The following NIPSNAP2 variants were observed in gnomAD, a reference collection of about 807,000 sequenced individuals.
The protein encoded by NIPSNAP2 is nipsnap homolog 2.
In NIPSNAP2, 42 loss-of-function variants were observed where a neutral mutation model predicts 48.4. The observed-to-expected ratio is 0.87, with a 90% CI of 0.68 to 1.12. NIPSNAP2 has a LOEUF of 1.12. NIPSNAP2 is among the 50% of genes most tolerant of loss of function. The pLI, the probability that NIPSNAP2 is intolerant of heterozygous loss-of-function variation, is 0.00. For synonymous variants in NIPSNAP2, 158 were observed against 126.6 expected (o/e 1.25, Z -1.67); for missense variants, 314 against 347.3 (o/e 0.90, Z 0.76).
Position 55,978,600 on chromosome 7 carries a change from G to A in NIPSNAP2, c.278+205G>A, listed in dbSNP as rs1001211755. ...ACTCACACAGCTAAATCATCATATA[G>A]GCTATCAGACTTTAGAATGTTACCA... is the stretch of plus-strand genomic sequence containing the variant. On this transcript the variant is annotated intron_variant, in intron 3 of 9. Coordinates refer to ENST00000322090, the MANE Select transcript of NIPSNAP2 (RefSeq NM_001483.3). 12 of 561,928 alleles carry A rather than the reference G, an allele frequency of 2.1e-5. No homozygotes were observed. In the East Asian group the frequency reaches 2.4e-4, roughly 11 times the overall value. The allele number at this position is 561,928 out of a possible 1,614,324, so 34.8% of individuals were successfully genotyped here. A position where few individuals can be genotyped will look rare whatever the true frequency, so the allele number is the denominator to read the frequency against.
At chr7:55,971,890 G>A (rs1787021296) in intron 1 of NIPSNAP2, among the ~76,000 whole-genome samples, 1 of 152,000 alleles carries the variant, frequency 6.6e-6, no homozygotes, top group Admixed American at 6.6e-5. Flanking sequence ...AGTATTTTTA[G>A]ACACTTTTTA....
At chr7:55,967,987 C>T (rs1247599186) in intron 1 of NIPSNAP2, among the ~76,000 whole-genome samples, 1 of 151,860 alleles carries the variant, frequency 6.6e-6, no homozygotes, top group Non-Finnish European at 1.5e-5. Flanking sequence ...GGGGGTCTTG[C>T]TATGTTCCCC....
At chr7:55,968,613 C>T (rs1477202102) in intron 1 of NIPSNAP2, among the ~76,000 whole-genome samples, 1 of 152,164 alleles carries the variant, frequency 6.6e-6, no homozygotes, top group Non-Finnish European at 1.5e-5. Context: ...TCTCGATCTC[C>T]TGACCTCGTG....
chr7:55,998,936 C>G, intron 9 of NIPSNAP2, 72 bp from the exon 10 acceptor site: 2 of 1,223,574 alleles, frequency 1.6e-6, no homozygotes, highest in Non-Finnish European at 2.4e-6. Flanking sequence ...TCTCGGCAAT[C>G]TGTCTGTTAG....
At chr7:55,972,860 T>C (rs1787041620) in intron 1 of NIPSNAP2, among the ~76,000 whole-genome samples, 1 of 152,140 alleles carries the variant, frequency 6.6e-6, no homozygotes, top group Non-Finnish European at 1.5e-5. Flanking sequence ...CCCAGGACTT[T>C]GGGAAGCTGA....
Position 55,964,596 on chromosome 7 carries a change from A to G in NIPSNAP2, c.-14A>G. ...GGCGGCGCCCGGGCGGTGGGAGCCG[A>G]GGCGCCGAGCAAGATGGCGGCGCGA... On this transcript the variant is annotated 5_prime_UTR_variant, in exon 1 of 10. Coordinates refer to ENST00000322090, the MANE Select transcript of NIPSNAP2 (RefSeq NM_001483.3). The G allele has an allele frequency of 2.0e-6, 2 of 1,005,708 alleles. No homozygotes were observed. Among genetic ancestry groups the G allele is most frequent in the Non-Finnish European group, 2.4e-6 (2 of 843,422 alleles). 62.3% of individuals were successfully genotyped at this position (1,005,708 alleles called of 1,614,324 possible).
intron 5 of NIPSNAP2, 106 bp from the exon 6 acceptor site, chr7:55,983,622 C>A: frequency 8.9e-7 from 1 of 1,126,726 alleles, no homozygotes; most frequent in Admixed American, 2.2e-5. Context: ...CAACTGGGAC[C>A]TGTTGATTAC....
At chr7:55,992,403 TC>T (rs1022914387) in intron 7 of NIPSNAP2, among the ~76,000 whole-genome samples, 1 of 152,068 alleles carries the variant, frequency 6.6e-6, no homozygotes, top group Admixed American at 6.6e-5. Flanking sequence ...GGCAGGAGGC[TC>T]CCTCGAGCCC....
chr7:55,990,661 G>A (rs73138774), intron 7 of NIPSNAP2, among the ~76,000 whole-genome samples: 26,458 of 152,142 alleles, frequency 0.17, 2,903 homozygotes, highest in East Asian at 0.35. Context: ...ACCCACAAAG[G>A]GGGAGGCCAC....
At chr7:55,984,064 A>G (rs925222671) in intron 6 of NIPSNAP2, among the ~76,000 whole-genome samples, 196 bp downstream of exon 6, 3 of 152,264 alleles carry the variant, frequency 2.0e-5, no homozygotes, top group South Asian at 4.1e-4. Flanking sequence ...GGCCTTACAC[A>G]TAATGCTTAT....
At position 55,964,712 on chromosome 7, in the gene NIPSNAP2, C is replaced by T; in HGVS notation, c.92+11C>T. The stretch of plus-strand genomic sequence containing the variant: ...CCTGCCCAGGCTCCGGTGAGCAGCG[C>T]CGCCCTTCCCGGGAGGTGCCGGGGA... On this transcript the variant is annotated intron_variant, in intron 1 of 9. Coordinates refer to ENST00000322090, the MANE Select transcript of NIPSNAP2 (RefSeq NM_001483.3). The T allele has an allele frequency of 8.9e-7, 1 of 1,118,184 alleles. No homozygotes were observed. The highest frequency in any genetic ancestry group is 1.1e-6 in the Non-Finnish European group (1 of 914,144). 69.3% of individuals were successfully genotyped at this position (1,118,184 alleles called of 1,614,324 possible). A position where few individuals can be genotyped will look rare whatever the true frequency, so the allele number is the denominator to read the frequency against.
intron 7 of NIPSNAP2, among the ~76,000 whole-genome samples, chr7:55,990,442 A>G (rs1244847774): frequency 6.6e-6 from 1 of 152,148 alleles, no homozygotes. Context: ...TGTGTTAGCC[A>G]GGATGGCCTC....
rs1199646474 is a variant in NIPSNAP2 at position 55,978,240 on chromosome 7, A to G, written c.207A>G (p.Glu69=). ...ACTCCAATCTCCTAGCCAAAAAGGA[A>G]ACAAGCAATCTATACAAATTACAGT... ...DAHSNLLAKK[E]TSNLYKLQFH... Residue 69 remains glutamate (E), a synonymous_variant, in exon 2 of 10, where the codon GAA becomes GAG. Coordinates refer to ENST00000322090, the MANE Select transcript of NIPSNAP2 (RefSeq NM_001483.3). The G allele has an allele frequency of 6.2e-7, 1 of 1,614,212 alleles. No homozygotes were observed. The highest frequency in any genetic ancestry group is 2.2e-5 in the East Asian group (1 of 44,884).
Position 55,981,522 on chromosome 7 carries a change from T to A in NIPSNAP2, c.328T>A (p.Leu110Met), listed in dbSNP as rs781094130. ...CGAAGATAAACACTACCCTTGTACT[T>A]TGGTGGGGACTTGGAACACGTGGTA... ...IHEDKHYPCT[L>M]VGTWNTWYGE... The change falls in exon 4 of 10, where the codon TTG becomes ATG. Residue 110 changes from leucine (L) to methionine (M), a missense_variant. Around this residue, in one of 2 missense-constraint regions of NIPSNAP2, gnomAD observed 198 missense variants for 185.5 expected, o/e 1.07. Transcript: ENST00000322090. 1 of 1,613,958 alleles carries A rather than the reference T, an allele frequency of 6.2e-7. No homozygotes were observed. The highest frequency in any genetic ancestry group is 1.1e-5 in the South Asian group (1 of 91,066).
At position 55,989,562 on chromosome 7, in the gene NIPSNAP2, C is replaced by CTGCAGCAA. The variant is rs1161896487; in HGVS notation, c.617+4685_617+4692dup. Among the ~76,000 whole-genome samples the CTGCAGCAA allele has an allele frequency of 2.0e-5, 3 of 152,022 alleles. No individual in the cohort carries two copies. In the East Asian group the frequency reaches 5.8e-4, roughly 29 times the overall value. ...ATCACTTGAGCCCTTGCTGTTGAGG[C>CTGCAGCAA]TGCAGCAAGCCATGATCATGCCATT... is the stretch of plus-strand genomic sequence containing the variant. On this transcript the variant is annotated intron_variant, in intron 7 of 9. Coordinates refer to ENST00000322090, the MANE Select transcript of NIPSNAP2 (RefSeq NM_001483.3).
At chr7:55,967,155 G>A (rs1043372618) in intron 1 of NIPSNAP2, among the ~76,000 whole-genome samples, 5 of 152,248 alleles carry the variant, frequency 3.3e-5, no homozygotes, top group Non-Finnish European at 4.4e-5. Context: ...GTGTCTCACA[G>A]GTGCTTAAAA....
intron 7 of NIPSNAP2, among the ~76,000 whole-genome samples, chr7:55,986,947 G>A (rs1469230768): frequency 7.3e-6 from 1 of 137,194 alleles, no homozygotes; most frequent in East Asian, 2.3e-4. Context: ...AGGAGTTGGT[G>A]ACCAGCCTGG....
rs1250921137 is a variant in NIPSNAP2 at position 55,982,217 on chromosome 7, C to G, written c.381C>G (p.Leu127=). The G allele has an allele frequency of 1.9e-6, 3 of 1,603,452 alleles. No homozygotes were observed. The highest frequency in any genetic ancestry group is 1.3e-5 in the African/African-American group (1 of 74,678). ...TTTTAAAATGCATTTCAGTCCACCT[C>G]TGGAGGTATGAAGGAGGCTATCCAG... The part of the protein sequence containing the change: ...WYGEQDQAVH[L]WRYEGGYPAL... The change falls in exon 5 of 10, where the codon CTC becomes CTG. Residue 127 remains leucine, a synonymous_variant. Coordinates refer to ENST00000322090, the MANE Select transcript of NIPSNAP2 (RefSeq NM_001483.3).
At chr7:55,988,442 TG>T (rs776745064) in intron 7 of NIPSNAP2, among the ~76,000 whole-genome samples, 6 of 152,072 alleles carry the variant, frequency 3.9e-5, no homozygotes, top group Non-Finnish European at 7.4e-5. Flanking sequence ...CTGGGACAGC[TG>T]TAACTTAAAA....
Sources: gnomAD v4.1 joint callset for allele counts (sites outside exome capture counted in the v4.1 genomes callset) on GRCh38, gnomAD v4.1.1 for gene constraint, gnomAD v4.1.1 regional missense constraint, MANE v1.5 for transcripts, NCBI Gene and HGNC (gene_info 2026-07-23, HGNC 2026-07-21) for gene names.